Variants in AKAP8 observed in about 807,000 individuals in gnomAD.
AKAP8 encodes A-kinase anchoring protein 8.
A neutral mutation model predicts 67.5 loss-of-function variants in AKAP8; 24 were observed. The ratio of observed to expected loss-of-function variants is 0.36; its 90% CI spans 0.26 to 0.50. AKAP8 has a LOEUF of 0.50. Ranked by LOEUF, AKAP8 falls within the 20% of genes least tolerant of loss-of-function variation. The pLI is 0.97. For missense variants in AKAP8, 971 were observed against 955.9 expected, an observed-to-expected ratio of 1.02 and a Z score of -0.21; for synonymous variants, 400 against 371.1, an observed-to-expected ratio of 1.08 and a Z score of -0.90.
chr19:15,368,453 G>A, intron 8 of AKAP8, 131 bp from the exon 9 acceptor site: 1 of 1,556,020 alleles, frequency 6.4e-7, no homozygotes, highest in Non-Finnish European at 8.6e-7. Flanking sequence ...ACGCGGCAGG[G>A]TCCAGGATGC....
At chr19:15,371,294 G>A in intron 7 of AKAP8, among the ~76,000 whole-genome samples, 1 of 151,858 alleles carries the variant, frequency 6.6e-6, no homozygotes, top group Non-Finnish European at 1.5e-5. Context: ...CCCACGTGCT[G>A]CCTGCCTGTG....
rs561740920 is a variant in AKAP8 at position 15,360,541 on chromosome 19, C to G, written c.1527+307G>C. On this transcript the variant is annotated intron_variant, in intron 12 of 13. Coordinates refer to ENST00000269701, the MANE Select transcript of AKAP8 (RefSeq NM_005858.4). ...CCTTTAGTCCAAGTCCCCTGGGCCA[C>G]TCAGCTTTCAATGGCCCTTCGGTCT... 2.6e-5 allele frequency among the ~76,000 whole-genome samples: 4 copies of G among 152,336 alleles called. No individual in the cohort carries two copies. The East Asian group carries it at 7.7e-4, about 29-fold the overall frequency.
rs373084851 is a variant in AKAP8, at chr19:15,376,274, G to A, written c.58+702C>T. The stretch of plus-strand genomic sequence containing the variant: ...GTGGTGGCTCACGCCTGTAATCCCA[G>A]CACTTTGATTATGGGATTGATTATG... On this transcript the variant is annotated intron_variant, in intron 2 of 13. Transcript: ENST00000269701. 5.1e-4 allele frequency among the ~76,000 whole-genome samples: 77 copies of A among 152,240 alleles called. No individual in the cohort carries two copies. The East Asian group carries it at 0.013, about 27-fold the overall frequency.
At chr19:15,370,725 G>A (rs1424196445) in intron 7 of AKAP8, among the ~76,000 whole-genome samples, 6 of 131,076 alleles carry the variant, frequency 4.6e-5, no homozygotes, top group South Asian at 2.5e-4. Context: ...TCTGCTTCCT[G>A]GGTTGAAGCA....
chr19:15,363,833 G>A (rs1967021848), intron 9 of AKAP8, among the ~76,000 whole-genome samples: 1 of 151,708 alleles, frequency 6.6e-6, no homozygotes, highest in African/African-American at 2.4e-5. Flanking sequence ...TTCTGCCTTG[G>A]GATCCTGTTG....
rs1030051016 is a variant in AKAP8, at chr19:15,373,268, G to A, written c.444C>T (p.Pro148=). 16 of 1,613,796 alleles carry A rather than the reference G, an allele frequency of 9.9e-6. No individual in the cohort carries two copies. The African/African-American group carries it at 1.3e-4, about 13-fold the overall frequency. The change falls in exon 5 of 14, where the codon CCC becomes CCT. Residue 148 remains proline (P), a synonymous_variant. Coordinates refer to ENST00000269701, the MANE Select transcript of AKAP8 (RefSeq NM_005858.4). ...CGAACTCATAGTCGTAGCTGTAGCTGGGGCGGTAGGGGTTGTGCTCCGGCA... is the reference window on the plus strand; with the variant it reads ...CGAACTCATAGTCGTAGCTGTAGCTAGGGCGGTAGGGGTTGTGCTCCGGCA... The part of the protein sequence containing the change: ...PCLPEHNPYR[P]SYSYDYEFDL...
rs778315879 is a variant in AKAP8 at position 15,372,849 on chromosome 19, A to ACCCGAT, written c.857_861+1dup. The ACCCGAT allele has an allele frequency of 1.1e-5, 16 of 1,500,670 alleles. No homozygotes were observed. Among genetic ancestry groups the ACCCGAT allele is most frequent in the African/African-American group, 2.8e-5 (2 of 71,390 alleles). 93.0% of individuals were successfully genotyped at this position (1,500,670 alleles called of 1,614,324 possible). A position where few individuals can be genotyped will look rare whatever the true frequency, so the allele number is the denominator to read the frequency against. Reference sequence around the variant, plus strand: ...GCCGGAAGGAACCTTGCGAGGGCTTACCCGATCCCGATCCCGCATCCGAGG... The same window carrying ACCCGAT: ...GCCGGAAGGAACCTTGCGAGGGCTTACCCGATCCCGATCCCGATCCCGCATCCGAGG... On this transcript the variant is annotated splice_donor_variant, in intron 5 of 13. Transcript: ENST00000269701. LOFTEE classifies it high-confidence loss of function.
intron 2 of AKAP8, among the ~76,000 whole-genome samples, chr19:15,376,774 C>T (rs1486341434): frequency 1.3e-5 from 2 of 152,196 alleles, no homozygotes; most frequent in Non-Finnish European, 2.9e-5. Flanking sequence ...CCCATCCACT[C>T]TTTCACACAT....
chr19:15,375,172 C>G (rs1296499179), intron 2 of AKAP8, among the ~76,000 whole-genome samples: 2 of 152,202 alleles, frequency 1.3e-5, no homozygotes, highest in African/African-American at 4.8e-5. Context: ...GCTCAGAAAA[C>G]AAAGGAAGCC....
intron 2 of AKAP8, among the ~76,000 whole-genome samples, chr19:15,376,103 A>T (rs1018535533): frequency 6.6e-6 from 1 of 151,838 alleles, no homozygotes; most frequent in Non-Finnish European, 1.5e-5. Context: ...CTAATTTTTC[A>T]TTAGTTGGAT....
chr19:15,375,780 G>A (rs1348298889), intron 2 of AKAP8, among the ~76,000 whole-genome samples: 1 of 152,044 alleles, frequency 6.6e-6, no homozygotes, highest in African/African-American at 2.4e-5. Context: ...GGGACTACAG[G>A]CGCCCGCCAC....
chr19:15,369,342 C>G lies in AKAP8; in HGVS notation c.1072+804G>C. 1 of 846,386 alleles carries G rather than the reference C, an allele frequency of 1.2e-6. No homozygotes were observed. The highest frequency in any genetic ancestry group is 1.4e-6 in the Non-Finnish European group (1 of 703,152). 52.4% of individuals were successfully genotyped at this position (846,386 alleles called of 1,614,324 possible). A position where few individuals can be genotyped will look rare whatever the true frequency, so the allele number is the denominator to read the frequency against. On this transcript the variant is annotated intron_variant, in intron 8 of 13. Coordinates refer to ENST00000269701, the MANE Select transcript of AKAP8 (RefSeq NM_005858.4). The surrounding 1 kb of genome is among the most constrained non-coding windows in gnomAD (Gnocchi z 4.6). ...GGGGGGGAGGACCGCAGAGGGCTGG[C>G]AAAGCCTGAACAGGAGGAACATCTA... is the stretch of plus-strand genomic sequence containing the variant.
Position 15,354,812 on chromosome 19 carries a change from A to C in AKAP8, c.*103T>G. On this transcript the variant is annotated 3_prime_UTR_variant, in exon 14 of 14. Transcript: ENST00000269701. ...GGTCTCTTCACCAAAATTAGATTAC[A>C]GCATATTCTGGGAGCACACGCCCTT... 7.3e-7 allele frequency: 1 copy of C among 1,363,966 alleles called. No homozygotes were observed. The highest frequency in any genetic ancestry group is 2.3e-5 in the East Asian group (1 of 43,236). The allele number at this position is 1,363,966 out of a possible 1,614,324, so 84.5% of individuals were successfully genotyped here. A position where few individuals can be genotyped will look rare whatever the true frequency, so the allele number is the denominator to read the frequency against.
chr19:15,357,617 G>A (rs746770035), intron 13 of AKAP8, among the ~76,000 whole-genome samples: 3 of 150,098 alleles, frequency 2.0e-5, no homozygotes, highest in Non-Finnish European at 4.4e-5. Context: ...AAAAAAAGAC[G>A]CTTAGAAGCC....
Position 15,355,079 on chromosome 19 carries a change from C to T in AKAP8, c.1915G>A (p.Val639Ile), listed in dbSNP as rs777457097. 59 of 1,613,870 alleles carry T rather than the reference C, an allele frequency of 3.7e-5. 1 individual carries two copies. The highest frequency in any genetic ancestry group is 3.3e-4 in the Admixed American group (20 of 59,984). Residue 639 changes from valine (V) to isoleucine (I), a missense_variant, in exon 14 of 14, where the codon GTC becomes ATC. Transcript: ENST00000269701. The stretch of plus-strand genomic sequence containing the variant: ...GCAGCCTCACTTCTGGCCTTGGGGA[C>T]GCCCTTCTCATGTGCCGTTCCACAG... ...VPCGTAHEKG[V>I]PKARSEAAEA...
rs1029152918 is a variant in AKAP8, at chr19:15,373,897, T to C, written c.260A>G (p.Asp87Gly). ...MASYGPEPCTDNSDSLIAKIN... is the reference protein window; with the variant it reads ...MASYGPEPCTGNSDSLIAKIN... ...CTTGGCAATGAGGGAGTCGGAATTG[T>C]CGGTGCATGGCTCTGGGCCGTAAGA... Residue 87 changes from aspartate (D) to glycine (G), a missense_variant, in exon 4 of 14, where the codon GAC becomes GGC. Physicochemically the swap from Asp to Gly is moderately conservative, Grantham distance 94. Around this residue, in one of 3 missense-constraint regions of AKAP8, gnomAD observed 763 missense variants for 745.4 expected, o/e 1.02. Transcript: ENST00000269701. The C allele has an allele frequency of 6.2e-7, 1 of 1,613,668 alleles. No homozygotes were observed. The highest frequency in any genetic ancestry group is 1.3e-5 in the African/African-American group (1 of 75,028).
intron 8 of AKAP8, chr19:15,368,783 C>T (rs897984735): frequency 1.3e-5 from 13 of 985,180 alleles, no homozygotes; most frequent in South Asian, 4.7e-5. Context: ...CTGTGACGAG[C>T]GTCCTGGCGG....
chr19:15,371,823 A>T (rs1967162936), intron 7 of AKAP8, 129 bp downstream of exon 7: 1 of 1,019,458 alleles, frequency 9.8e-7, no homozygotes. Flanking sequence ...GCTAAAAGTC[A>T]GGGTCCTGAA....
Position 15,354,656 on chromosome 19 carries a change from C to A in AKAP8, c.*259G>T. The A allele has an allele frequency of 2.0e-6, 1 of 503,994 alleles. No individual in the cohort carries two copies. 31.2% of individuals were successfully genotyped at this position (503,994 alleles called of 1,614,324 possible). ...ATATAATCACCCAACCTTTATTATT[C>A]CAAGTGCACTACTGTCAAGAGACAT... is the stretch of plus-strand genomic sequence containing the variant. On this transcript the variant is annotated 3_prime_UTR_variant, in exon 14 of 14. Coordinates refer to ENST00000269701, the MANE Select transcript of AKAP8 (RefSeq NM_005858.4).
Sources: gnomAD v4.1 joint callset for allele counts (sites outside exome capture counted in the v4.1 genomes callset) on GRCh38, gnomAD v4.1.1 for gene constraint, gnomAD v4.1.1 regional missense constraint, Gnocchi (gnomAD v3.1) non-coding constraint, MANE v1.5 for transcripts, NCBI Gene and HGNC (gene_info 2026-07-23, HGNC 2026-07-21) for gene names.